Variants in MRPL48 observed in about 807,000 individuals in gnomAD.
The protein encoded by MRPL48 is mitochondrial ribosomal protein L48.
A neutral mutation model predicts 32.9 loss-of-function variants in MRPL48; 16 were observed. The observed-to-expected ratio is 0.49, with a 90% CI of 0.33 to 0.74. MRPL48 has a LOEUF of 0.74. MRPL48 is among the 30% of genes least tolerant of loss of function. The pLI, the probability that MRPL48 is intolerant of heterozygous loss-of-function variation, is 0.02. For missense variants in MRPL48, 206 were observed against 245.3 expected, an observed-to-expected ratio of 0.84 and a Z score of 1.07; for synonymous variants, 94 against 89.2, an observed-to-expected ratio of 1.05 and a Z score of -0.31.
intron 3 of MRPL48, among the ~76,000 whole-genome samples, chr11:73,811,279 T>C (rs536816359): frequency 4.1e-4 from 62 of 152,112 alleles, no homozygotes; most frequent in Non-Finnish European, 6.6e-4. Flanking sequence ...GTAGTCTAGG[T>C]AGGTGGGGTG....
chr11:73,846,733 C>T (rs1167269392), intron 5 of MRPL48, among the ~76,000 whole-genome samples: 1 of 151,072 alleles, frequency 6.6e-6, no homozygotes, highest in Non-Finnish European at 1.5e-5. Flanking sequence ...GTCATGGTCT[C>T]TCTCTCCCAC....
At chr11:73,813,997 C>T (rs1294644816) in intron 3 of MRPL48, among the ~76,000 whole-genome samples, 7 of 149,396 alleles carry the variant, frequency 4.7e-5, no homozygotes, top group South Asian at 2.1e-4. Flanking sequence ...GCCGAGATCT[C>T]GCCACTGCAC....
Position 73,800,286 on chromosome 11 carries a change from C to T in MRPL48, c.22-4741C>T, listed in dbSNP as rs77319063. Among the ~76,000 whole-genome samples the T allele has an allele frequency of 1.2e-3, 188 of 152,020 alleles. 1 individual carries two copies. The highest frequency in any genetic ancestry group is 4.4e-3 in the African/African-American group (183 of 41,470). On this transcript the variant is annotated intron_variant, in intron 1 of 7. Coordinates refer to ENST00000310614, the MANE Select transcript of MRPL48 (RefSeq NM_016055.6). ...AAGACAAATAGTATGCGTAAAGTGC[C>T]TAGTAAATAGGACTCAATAAATGGT...
At chr11:73,846,320 T>C (rs901516600) in intron 5 of MRPL48, among the ~76,000 whole-genome samples, 9 of 152,114 alleles carry the variant, frequency 5.9e-5, no homozygotes, top group African/African-American at 2.2e-4. Context: ...TCCTTTCTTT[T>C]TCTTTTTTTG....
chr11:73,857,704 C>G (rs917949751), intron 5 of MRPL48, among the ~76,000 whole-genome samples: 1 of 149,178 alleles, frequency 6.7e-6, no homozygotes, highest in African/African-American at 2.5e-5. Flanking sequence ...AAGTGGTTCT[C>G]CTGCCTCAGC....
chr11:73,816,289 C>T (rs1460748685), intron 3 of MRPL48, among the ~76,000 whole-genome samples: 3 of 149,020 alleles, frequency 2.0e-5, no homozygotes, highest in African/African-American at 7.4e-5. Context: ...TCTCGATCTC[C>T]TGACCTCGTG....
chr11:73,802,599 T>C (rs979826509), intron 1 of MRPL48, among the ~76,000 whole-genome samples: 1 of 152,236 alleles, frequency 6.6e-6, no homozygotes, highest in Non-Finnish European at 1.5e-5. Flanking sequence ...TGGTTTCTTT[T>C]ATTTAGTATA....
chr11:73,846,855 C>T (rs1419492316), intron 5 of MRPL48, among the ~76,000 whole-genome samples: 1 of 151,946 alleles, frequency 6.6e-6, no homozygotes, highest in East Asian at 1.9e-4. Flanking sequence ...AACACCAACT[C>T]GCCAAGCTGA....
Position 73,864,716 on chromosome 11 carries a change from C to T in MRPL48, c.*346C>T, listed in dbSNP as rs1378688704. The T allele has an allele frequency of 4.0e-6, 1 of 252,184 alleles. No homozygotes were observed. Among genetic ancestry groups the T allele is most frequent in the Non-Finnish European group, 7.7e-6 (1 of 129,462 alleles). 15.6% of individuals were successfully genotyped at this position (252,184 alleles called of 1,614,324 possible). On this transcript the variant is annotated 3_prime_UTR_variant, in exon 8 of 8. Coordinates refer to ENST00000310614, the MANE Select transcript of MRPL48 (RefSeq NM_016055.6). ...GCATCCCTGTAATCCCAGCACTTTGCGAGGCCGAGGCAGGAGGACTGCTCG... is the reference window on the plus strand; with the variant it reads ...GCATCCCTGTAATCCCAGCACTTTGTGAGGCCGAGGCAGGAGGACTGCTCG...
At chr11:73,860,680 A>G (rs1241776045) in intron 6 of MRPL48, among the ~76,000 whole-genome samples, 1 of 152,196 alleles carries the variant, frequency 6.6e-6, no homozygotes, top group African/African-American at 2.4e-5. Context: ...TCCCAGCTTT[A>G]ACATCATCCC....
chr11:73,790,981 G>T (rs1947141694), intron 1 of MRPL48, among the ~76,000 whole-genome samples: 2 of 150,826 alleles, frequency 1.3e-5, no homozygotes, highest in African/African-American at 4.9e-5. Flanking sequence ...GATATCCCGG[G>T]CTCAGGTGAT....
rs1472169539 is a variant in MRPL48 at position 73,844,948 on chromosome 11, A to G, written c.343A>G (p.Asn115Asp). Residue 115 changes from asparagine to aspartate, a missense_variant, in exon 5 of 8, where the codon AAC becomes GAC. By Grantham distance (23) the Asn-to-Asp change is conservative (BLOSUM62 1). Coordinates refer to ENST00000310614, the MANE Select transcript of MRPL48 (RefSeq NM_016055.6). ...TGCCCAGTATGTTCACAACCTCTGCAACTCTCTCTCCATTAAAGTCGAGGA... is the reference window on the plus strand; with the variant it reads ...TGCCCAGTATGTTCACAACCTCTGCGACTCTCTCTCCATTAAAGTCGAGGA... ...SYAQYVHNLC[N>D]SLSIKVEESY... is the part of the protein sequence containing the mutation. The G allele has an allele frequency of 1.2e-6, 2 of 1,611,422 alleles. No homozygotes were observed. Among genetic ancestry groups the G allele is most frequent in the African/African-American group, 1.3e-5 (1 of 74,864 alleles).
intron 4 of MRPL48, 67 bp downstream of exon 4, chr11:73,825,863 A>T (rs919678602): frequency 8.3e-6 from 11 of 1,321,002 alleles, no homozygotes; most frequent in South Asian, 1.3e-5. Flanking sequence ...TGAAGATCAG[A>T]TATGTATAGT....
At chr11:73,845,181 C>T (rs1043479535) in intron 5 of MRPL48, 1 of 434,976 alleles carries the variant, frequency 2.3e-6, no homozygotes, top group African/African-American at 2.0e-5. Flanking sequence ...TCTCCCTCTT[C>T]CCCACTCAAG....
Position 73,790,784 on chromosome 11 carries a change from C to T in MRPL48, c.21+2792C>T, listed in dbSNP as rs187622435. On this transcript the variant is annotated intron_variant, in intron 1 of 7. Transcript: ENST00000310614. ...TCAAGCAGTCCTCCCACCTTGGCCT[C>T]CCAAAGTTCTGGGATTGCAGATATG... is the stretch of plus-strand genomic sequence containing the variant. 3.1e-3 allele frequency among the ~76,000 whole-genome samples: 472 copies of T among 152,030 alleles called. 3 individuals are homozygous for T. Among genetic ancestry groups the T allele is most frequent in the African/African-American group, 0.011 (439 of 41,476 alleles).
intron 5 of MRPL48, among the ~76,000 whole-genome samples, chr11:73,847,799 C>T (rs1341319832): frequency 6.6e-6 from 1 of 152,024 alleles, no homozygotes; most frequent in African/African-American, 2.4e-5. Flanking sequence ...AGGCCAGTCT[C>T]GAACTCCTGA....
At chr11:73,796,040 G>A (rs1485828397) in intron 1 of MRPL48, among the ~76,000 whole-genome samples, 5 of 152,204 alleles carry the variant, frequency 3.3e-5, no homozygotes, top group African/African-American at 1.2e-4. Flanking sequence ...GGGCCATCTG[G>A]ATTGGCCGCT....
At chr11:73,832,033 G>C (rs1007764589) in intron 4 of MRPL48, among the ~76,000 whole-genome samples, 4 of 148,544 alleles carry the variant, frequency 2.7e-5, no homozygotes, top group Admixed American at 2.0e-4. Flanking sequence ...TTAGTTACTT[G>C]ACCTCAGCTG....
intron 3 of MRPL48, among the ~76,000 whole-genome samples, chr11:73,809,045 C>T (rs1947517460): frequency 2.0e-5 from 3 of 151,542 alleles, no homozygotes; most frequent in Admixed American, 2.0e-4. Context: ...CCCCAGAGGC[C>T]AAGGCAGGAG....
Sources: allele counts gnomAD v4.1 joint callset (sites outside exome capture counted in the v4.1 genomes callset), GRCh38; gene constraint gnomAD v4.1.1; transcripts MANE v1.5; gene names NCBI Gene and HGNC (gene_info 2026-07-23, HGNC 2026-07-21).